The following ARPC5 variants were observed in gnomAD, a reference collection of about 807,000 sequenced individuals.
ARPC5 encodes actin related protein 2/3 complex subunit 5.
A neutral mutation model predicts 15.4 loss-of-function variants in ARPC5; 5 were observed. The observed-to-expected ratio is 0.32, with a 90% CI of 0.17 to 0.68. The LOEUF (loss-of-function observed/expected upper bound fraction) is 0.68. Among genes scored for constraint, ARPC5 ranks in the 30% least tolerant of loss-of-function variants. The pLI is 0.71. For missense variants in ARPC5, 138 were observed against 192.8 expected, an observed-to-expected ratio of 0.72 and a Z score of 1.68; for synonymous variants, 85 against 72.2, an observed-to-expected ratio of 1.18 and a Z score of -0.90.
intron 3 of ARPC5, 154 bp downstream of exon 3, chr1:183,630,307 G>A: frequency 1.8e-6 from 1 of 562,508 alleles, no homozygotes; most frequent in Admixed American, 3.7e-5. Flanking sequence ...ACCAAGGCTA[G>A]TAAACATAAA....
At chr1:183,634,912 TTC>T (rs1263953014) in intron 1 of ARPC5, among the ~76,000 whole-genome samples, 11 of 123,846 alleles carry the variant, frequency 8.9e-5, no homozygotes, top group Non-Finnish European at 1.7e-4. Context: ...CTTCTTCTTC[TTC>T]TTTTTTTTTT....
At chr1:183,634,099 A>C (rs901625874) in intron 1 of ARPC5, 5 of 152,362 alleles carry the variant, frequency 3.3e-5, no homozygotes, top group African/African-American at 1.2e-4. Flanking sequence ...GGGTTTCATA[A>C]AACACCATCT....
Position 183,625,476 on chromosome 1 carries a change from T to C in ARPC5, c.*2056A>G, listed in dbSNP as rs1245499856. ...ATGAAAGTGATGTTAAGAAGGATTT[T>C]ATGAAAAAGCATTCAGTATCATTTG... On this transcript the variant is annotated 3_prime_UTR_variant, in exon 4 of 4. Coordinates refer to ENST00000359856, the MANE Select transcript of ARPC5 (RefSeq NM_005717.4). The C allele has an allele frequency of 6.6e-6, 1 of 152,252 alleles. No homozygotes were observed. The highest frequency in any genetic ancestry group is 1.5e-5 in the Non-Finnish European group (1 of 68,046). 9.4% of individuals were successfully genotyped at this position (152,252 alleles called of 1,614,324 possible).
Position 183,623,288 on chromosome 1 carries a change from C to T in ARPC5, c.*4244G>A, listed in dbSNP as rs1042155340. On this transcript the variant is annotated 3_prime_UTR_variant, in exon 4 of 4. Coordinates refer to ENST00000359856, the MANE Select transcript of ARPC5 (RefSeq NM_005717.4). ...ACATAGATTATTTATGTTGATTACT[C>T]TTACACACTCAAGTAACAGAAATGA... 1.1e-5 allele frequency: 9 copies of T among 808,664 alleles called. No homozygotes were observed. The highest frequency in any genetic ancestry group is 1.0e-4 in the African/African-American group (6 of 58,462). 50.1% of individuals were successfully genotyped at this position (808,664 alleles called of 1,614,324 possible).
intron 3 of ARPC5, among the ~76,000 whole-genome samples, chr1:183,629,034 C>T (rs1012952681): frequency 2.6e-5 from 4 of 152,156 alleles, no homozygotes; most frequent in African/African-American, 7.2e-5. Context: ...GCATTAGATA[C>T]GCTTGAACAG....
At chr1:183,633,030 T>C in intron 2 of ARPC5, 52 bp downstream of exon 2, 1 of 1,365,740 alleles carries the variant, frequency 7.3e-7, no homozygotes, top group Admixed American at 2.3e-5. Context: ...CAGAGGATTT[T>C]ACTAAGAATA....
At position 183,627,188 on chromosome 1, in the gene ARPC5, A is replaced by AAATAAT. The variant is rs1406054926; in HGVS notation, c.*338_*343dup. 1 of 188,698 alleles carries AAATAAT rather than the reference A, an allele frequency of 5.3e-6. No individual in the cohort carries two copies. Among genetic ancestry groups the AAATAAT allele is most frequent in the Non-Finnish European group, 1.1e-5 (1 of 90,652 alleles). 11.7% of individuals were successfully genotyped at this position (188,698 alleles called of 1,614,324 possible). A position where few individuals can be genotyped will look rare whatever the true frequency, so the allele number is the denominator to read the frequency against. On this transcript the variant is annotated 3_prime_UTR_variant, in exon 4 of 4. Transcript: ENST00000359856. ...GACCAAATCTCTCAGTATTAGTTAA[A>AAATAAT]AATAATACAAAACAAAACAGAACAA...
In ARPC5 at chr1:183,625,600, G is replaced by C. The variant is rs752328465; in HGVS notation, c.*1932C>G. ...CATGTGCCTGTAGTTCCACCTTTTC[G>C]GGAGGCTGAGGCAGGACTGCTTGAA... On this transcript the variant is annotated 3_prime_UTR_variant, in exon 4 of 4. Transcript: ENST00000359856. The C allele has an allele frequency of 1.3e-5, 2 of 152,178 alleles. No homozygotes were observed. Among genetic ancestry groups the C allele is most frequent in the Non-Finnish European group, 2.9e-5 (2 of 68,080 alleles). 9.4% of individuals were successfully genotyped at this position (152,178 alleles called of 1,614,324 possible).
chr1:183,627,544 T>C lies in ARPC5; in HGVS notation c.444A>G (p.Arg148=). Residue 148 remains arginine, a synonymous_variant, in exon 4 of 4, where the codon AGA becomes AGG. Transcript: ENST00000359856. ...VGSIVRVLTA[R]KTV ...ACTTCCTGCCAGACTACACAGTTTT[T>C]CTTGCAGTCAAGACACGAACAATGG... The C allele has an allele frequency of 6.2e-7, 1 of 1,614,110 alleles. No homozygotes were observed. Among genetic ancestry groups the C allele is most frequent in the Non-Finnish European group, 8.5e-7 (1 of 1,179,968 alleles).
At position 183,630,606 on chromosome 1, in the gene ARPC5, A is replaced by G; in HGVS notation, c.248T>C (p.Leu83Pro). The change falls in exon 3 of 4, where the codon CTC becomes CCC. Residue 83 changes from leucine to proline, a missense_variant. Physicochemically the swap from Leu to Pro is moderately conservative, Grantham distance 98. Coordinates refer to ENST00000359856, the MANE Select transcript of ARPC5 (RefSeq NM_005717.4). ...TATATCATTAGCTTTAAAAGAGATG[A>G]GCACCTTCAAGACAATGCTGCCTGC... Reference protein sequence around the residue: ...DRAGSIVLKVLISFKANDIEK... With the variant: ...DRAGSIVLKVPISFKANDIEK... 3.1e-6 allele frequency: 5 copies of G among 1,614,032 alleles called. No individual in the cohort carries two copies. The Admixed American group carries it at 5.0e-5, about 16-fold the overall frequency.
Position 183,627,325 on chromosome 1 carries a change from C to A in ARPC5, c.*207G>T, listed in dbSNP as rs1649132465. 1 of 597,996 alleles carries A rather than the reference C, an allele frequency of 1.7e-6. No individual in the cohort carries two copies. Among genetic ancestry groups the A allele is most frequent in the Non-Finnish European group, 3.1e-6 (1 of 327,628 alleles). 37.0% of individuals were successfully genotyped at this position (597,996 alleles called of 1,614,324 possible). A position where few individuals can be genotyped will look rare whatever the true frequency, so the allele number is the denominator to read the frequency against. ...ATGGTTTTGAAAGGATGAAACACTT[C>A]TATTTTAACACAATTTCTTCTATAT... is the stretch of plus-strand genomic sequence containing the variant. On this transcript the variant is annotated 3_prime_UTR_variant, in exon 4 of 4. Transcript: ENST00000359856.
Position 183,635,526 on chromosome 1 carries a change from C to A in ARPC5, c.134G>T (p.Cys45Phe). 1 of 1,611,694 alleles carries A rather than the reference C, an allele frequency of 6.2e-7. No individual in the cohort carries two copies. Among genetic ancestry groups the A allele is most frequent in the Non-Finnish European group, 8.5e-7 (1 of 1,179,246 alleles). Residue 45 changes from cysteine (C) to phenylalanine (F), a missense_variant, in exon 1 of 4, where the codon TGC becomes TTC. This residue lies in a region of ARPC5 where 121 missense variants were observed against 153.7 expected (regional missense o/e 0.79). Coordinates refer to ENST00000359856, the MANE Select transcript of ARPC5 (RefSeq NM_005717.4). ...AGPDEGEVDSCLRQGNMTAAL... is the reference protein window; with the variant it reads ...AGPDEGEVDSFLRQGNMTAAL... ...GTGAATGCAAGGATATTGCCGCAGG[C>A]AGGAGTCCACCTCGCCCTCGTCGGG...
At chr1:183,629,317 T>C (rs79818376) in intron 3 of ARPC5, among the ~76,000 whole-genome samples, 12,035 of 152,206 alleles carry the variant, frequency 0.079, 923 homozygotes, top group African/African-American at 0.2. Flanking sequence ...CATCTGTAAA[T>C]TGAGGATGAT....
chr1:183,633,442 A>G (rs1284069549), intron 1 of ARPC5: 2 of 216,140 alleles, frequency 9.3e-6, no homozygotes, highest in Non-Finnish European at 1.8e-5. Context: ...ATACATATGC[A>G]AACATTACCT....
At position 183,622,032 on chromosome 1, in the gene ARPC5, T is replaced by A. The variant is rs752715576; in HGVS notation, c.*5500A>T. The A allele has an allele frequency of 2.6e-5, 4 of 152,238 alleles. No homozygotes were observed. Among genetic ancestry groups the A allele is most frequent in the Non-Finnish European group, 5.9e-5 (4 of 68,044 alleles). The allele number at this position is 152,238 out of a possible 1,614,324, so 9.4% of individuals were successfully genotyped here. Reference sequence around the variant, plus strand: ...CTCTGAAGGGAATAAGGAAGTTCTTTATGTATTGATAGGAAATTACCACCA... The same window carrying A: ...CTCTGAAGGGAATAAGGAAGTTCTTAATGTATTGATAGGAAATTACCACCA... On this transcript the variant is annotated 3_prime_UTR_variant, in exon 4 of 4. Transcript: ENST00000359856.
intron 1 of ARPC5, chr1:183,633,469 A>C (rs922433389): frequency 2.1e-4 from 37 of 175,824 alleles, no homozygotes; most frequent in East Asian, 4.4e-4. Flanking sequence ...GTGTTAAAGA[A>C]ATCCTAAAAT....
chr1:183,632,919 G>A (rs1649306593), intron 2 of ARPC5, 163 bp downstream of exon 2: 5 of 543,610 alleles, frequency 9.2e-6, no homozygotes, highest in African/African-American at 2.0e-5. Flanking sequence ...ACATTATAGG[G>A]CTATTTTTTC....
Position 183,630,618 on chromosome 1 carries a change from A to G in ARPC5, c.236T>C (p.Val79Ala), listed in dbSNP as rs763930149. Residue 79 changes from valine to alanine, a missense_variant, in exon 3 of 4, where the codon GTC becomes GCC. By Grantham distance (64) the Val-to-Ala change is moderately conservative. Coordinates refer to ENST00000359856, the MANE Select transcript of ARPC5 (RefSeq NM_005717.4). ...TTTAAAAGAGATGAGCACCTTCAAG[A>G]CAATGCTGCCTGCCCGGTCCTGGTG... Reference protein sequence around the residue: ...QAVKDRAGSIVLKVLISFKAN... With the variant: ...QAVKDRAGSIALKVLISFKAN... The G allele has an allele frequency of 1.5e-5, 24 of 1,613,770 alleles. No homozygotes were observed. Among genetic ancestry groups the G allele is most frequent in the African/African-American group, 4.0e-5 (3 of 74,936 alleles).
intron 3 of ARPC5, among the ~76,000 whole-genome samples, chr1:183,628,202 ATCT>A: frequency 6.8e-6 from 1 of 147,208 alleles, no homozygotes; most frequent in Admixed American, 6.8e-5. Context: ...AAAAAAAAAA[ATCT>A]GCAGCATAGT....
Sources: gnomAD v4.1 joint callset for allele counts (sites outside exome capture counted in the v4.1 genomes callset) on GRCh38, gnomAD v4.1.1 for gene constraint, gnomAD v4.1.1 regional missense constraint, MANE v1.5 for transcripts, NCBI Gene and HGNC (gene_info 2026-07-23, HGNC 2026-07-21) for gene names.